The following SLC24A3 variants were observed in gnomAD, a reference collection of about 807,000 sequenced individuals.
The protein encoded by SLC24A3 is solute carrier family 24 member 3, also known as sodium/potassium/calcium exchanger 3.
A neutral mutation model predicts 75.8 loss-of-function variants in SLC24A3; 28 were observed. The ratio of observed to expected loss-of-function variants is 0.37; its 90% CI spans 0.27 to 0.51. The LOEUF is 0.51. Ranked by LOEUF, SLC24A3 falls within the 20% of genes least tolerant of loss-of-function variation. The pLI, the probability that SLC24A3 is intolerant of heterozygous loss-of-function variation, is 0.94. For missense variants in SLC24A3, 663 were observed against 847.8 expected (o/e 0.78, Z 2.71); for synonymous variants, 372 against 334.1 (o/e 1.11, Z -1.24).
Position 19,585,031 on chromosome 20 carries a change from C to T in SLC24A3, c.484C>T (p.Pro162Ser). 1 of 1,613,872 alleles carries T rather than the reference C, an allele frequency of 6.2e-7. No individual in the cohort carries two copies. The highest frequency in any genetic ancestry group is 8.5e-7 in the Non-Finnish European group (1 of 1,179,798). Residue 162 changes from proline (P) to serine (S), a missense_variant, in exon 5 of 17, where the codon CCA (proline) becomes TCA (serine). Coordinates refer to ENST00000328041, the MANE Select transcript of SLC24A3 (RefSeq NM_020689.4). Reference sequence around the variant, plus strand: ...ATTCATGGCAGCGGGAAGTTCGGCCCCAGAGCTGTTCACATCGGTCATAGG... The same window carrying T: ...ATTCATGGCAGCGGGAAGTTCGGCCTCAGAGCTGTTCACATCGGTCATAGG... ...ATFMAAGSSA[P>S]ELFTSVIGVF... is the part of the protein sequence containing the mutation.
At chr20:19,520,835 C>A (rs2030086315) in intron 3 of SLC24A3, among the ~76,000 whole-genome samples, 1 of 152,218 alleles carries the variant, frequency 6.6e-6, no homozygotes, top group Admixed American at 6.5e-5. Flanking sequence ...CATCCAAATT[C>A]TCTCTTATTC....
At chr20:19,491,660 A>G (rs954442673) in intron 2 of SLC24A3, among the ~76,000 whole-genome samples, 11 of 152,108 alleles carry the variant, frequency 7.2e-5, no homozygotes, top group Admixed American at 1.3e-4. Flanking sequence ...TCTGTTCCCA[A>G]TGAGGATGGG....
In SLC24A3 at chr20:19,295,182, G is replaced by C. The variant is rs115969100; in HGVS notation, c.271+14095G>C. On this transcript the variant is annotated intron_variant, in intron 2 of 16. Transcript: ENST00000328041. ...TTTTTCTTCTTGTAAAATTTTTTAA[G>C]TTCCTTGTAGAATCTGGATATTAGA... 2.9e-3 allele frequency among the ~76,000 whole-genome samples: 441 copies of C among 152,196 alleles called. 2 individuals carry two copies. Among genetic ancestry groups the C allele is most frequent in the African/African-American group, 9.8e-3 (406 of 41,518 alleles).
chr20:19,699,074 A>G (rs1256757881), intron 15 of SLC24A3, among the ~76,000 whole-genome samples: 1 of 152,244 alleles, frequency 6.6e-6, no homozygotes, highest in African/African-American at 2.4e-5. Context: ...TTTATATGTC[A>G]TGATATATAA....
At chr20:19,585,357 T>C in intron 5 of SLC24A3, 84 bp from the exon 6 acceptor site, 2 of 1,289,916 alleles carry the variant, frequency 1.6e-6, no homozygotes, top group Non-Finnish European at 2.2e-6. Context: ...GAGAACAATC[T>C]AATGCTTATG....
At chr20:19,537,372 A>G (rs899669050) in intron 3 of SLC24A3, among the ~76,000 whole-genome samples, 51 of 152,160 alleles carry the variant, frequency 3.4e-4, no homozygotes, top group Non-Finnish European at 7.3e-4. Context: ...AAAAGTCAGG[A>G]AACAACAGGT....
intron 1 of SLC24A3, among the ~76,000 whole-genome samples, chr20:19,252,855 T>C (rs557157509): frequency 6.6e-6 from 1 of 152,338 alleles, no homozygotes; most frequent in East Asian, 1.9e-4. Context: ...TTAGAATGAA[T>C]GTGTCACTAG....
intron 2 of SLC24A3, among the ~76,000 whole-genome samples, chr20:19,419,985 GA>G (rs1322225456): frequency 1.0e-5 from 1 of 95,610 alleles, no homozygotes; most frequent in Non-Finnish European, 2.1e-5. Context: ...CCCCTCCCCC[GA>G]CCCCACCACA....
At chr20:19,311,482 T>C (rs1189288847) in intron 2 of SLC24A3, among the ~76,000 whole-genome samples, 3 of 151,864 alleles carry the variant, frequency 2.0e-5, no homozygotes, top group Non-Finnish European at 4.4e-5. Context: ...CGGAAGGTAG[T>C]GGGGAGAGGA....
chr20:19,686,182 G>T (rs1207503063), intron 12 of SLC24A3, among the ~76,000 whole-genome samples: 1 of 152,198 alleles, frequency 6.6e-6, no homozygotes, highest in Non-Finnish European at 1.5e-5. Flanking sequence ...TGTGGGCAAG[G>T]CAGCTTGGTG....
chr20:19,489,708 C>A (rs941261500), intron 2 of SLC24A3, among the ~76,000 whole-genome samples: 1 of 152,022 alleles, frequency 6.6e-6, no homozygotes, highest in Non-Finnish European at 1.5e-5. Context: ...TCCTAGTGGC[C>A]CTGAGGATCT....
At chr20:19,585,189 C>A in intron 5 of SLC24A3, 134 bp downstream of exon 5, 2 of 803,064 alleles carry the variant, frequency 2.5e-6, no homozygotes, top group Non-Finnish European at 4.0e-6. Context: ...ATGAGTAGAA[C>A]ATCAGCCTCC....
At chr20:19,470,604 G>A (rs985713357) in intron 2 of SLC24A3, among the ~76,000 whole-genome samples, 3 of 151,998 alleles carry the variant, frequency 2.0e-5, no homozygotes, top group East Asian at 1.9e-4. Flanking sequence ...GTACATACAC[G>A]CACACACACA....
chr20:19,502,353 G>A (rs751426649), intron 2 of SLC24A3, among the ~76,000 whole-genome samples: 5 of 152,084 alleles, frequency 3.3e-5, no homozygotes, highest in Non-Finnish European at 5.9e-5. Flanking sequence ...GACTCCACGC[G>A]GCCCAGGGAA....
intron 1 of SLC24A3, among the ~76,000 whole-genome samples, chr20:19,259,789 C>T (rs1982926536): frequency 6.6e-6 from 1 of 152,156 alleles, no homozygotes; most frequent in Non-Finnish European, 1.5e-5. Flanking sequence ...TTCAGATACC[C>T]ACCACCAGGA....
Position 19,668,892 on chromosome 20 carries a change from C to T in SLC24A3, c.713+3003C>T, listed in dbSNP as rs1436107728. Among the ~76,000 whole-genome samples the T allele has an allele frequency of 2.0e-5, 3 of 152,134 alleles. 1 individual carries two copies. On this transcript the variant is annotated intron_variant, in intron 8 of 16. Coordinates refer to ENST00000328041, the MANE Select transcript of SLC24A3 (RefSeq NM_020689.4). The stretch of plus-strand genomic sequence containing the variant: ...CCCAAGATGGCTGCTGCAGCCCCAG[C>T]CACCAAGTTCATATTGAAGAAAGGA...
At chr20:19,432,296 T>TTA (rs1216001984) in intron 2 of SLC24A3, among the ~76,000 whole-genome samples, 1 of 147,408 alleles carries the variant, frequency 6.8e-6, no homozygotes, top group East Asian at 2.0e-4. Flanking sequence ...ATATATAAGA[T>TTA]TATATATATA....
chr20:19,444,870 T>TTTG (rs143149995), intron 2 of SLC24A3, among the ~76,000 whole-genome samples: 4,993 of 151,528 alleles, frequency 0.033, 98 homozygotes, highest in African/African-American at 0.054. Flanking sequence ...TAATCGGCTT[T>TTTG]TTGTTGTTGT....
chr20:19,386,062 C>G (rs1350223026), intron 2 of SLC24A3, among the ~76,000 whole-genome samples: 1 of 152,182 alleles, frequency 6.6e-6, no homozygotes, highest in Non-Finnish European at 1.5e-5. Context: ...CACAGGATAT[C>G]TTTCCATTTA....
Sources: allele counts gnomAD v4.1 joint callset (sites outside exome capture counted in the v4.1 genomes callset), GRCh38; gene constraint gnomAD v4.1.1; transcripts MANE v1.5; gene names NCBI Gene and HGNC (gene_info 2026-07-23, HGNC 2026-07-21).